CDH18: variants seen among roughly 807,000 people sequenced by gnomAD.
CDH18 encodes the protein cadherin-18.
Under a neutral mutation model 67.9 loss-of-function variants are expected in CDH18, and 31 were observed. The observed-to-expected ratio is 0.46, with a 90% confidence interval of 0.34 to 0.62. The LOEUF is 0.62. Ranked by LOEUF, CDH18 falls within the 20% of genes least tolerant of loss-of-function variation. The pLI is 0.01. For missense variants in CDH18, 890 were observed against 975.5 expected (o/e 0.91, Z 1.17); for synonymous variants, 362 against 347.2 (o/e 1.04, Z -0.48).
chr5:19,501,609 T>A (rs1743262940), intron 11 of CDH18, among the ~76,000 whole-genome samples: 1 of 152,092 alleles, frequency 6.6e-6, no homozygotes, highest in Admixed American at 6.6e-5. Flanking sequence ...TAGGTTAAAC[T>A]GCTTGAATTG....
intron 1 of CDH18, among the ~76,000 whole-genome samples, chr5:20,351,126 T>C (rs1741135270): frequency 6.6e-6 from 1 of 151,558 alleles, no homozygotes. Context: ...CTTTACTTTC[T>C]GACATTTACC....
At chr5:20,389,346 T>A (rs10941715) in intron 1 of CDH18, among the ~76,000 whole-genome samples, 66,364 of 151,564 alleles carry the variant, frequency 0.44, 16,814 homozygotes, top group Middle Eastern at 0.67. Context: ...TGGCTTAAAG[T>A]CTGTTTTTTC....
rs150803344 is a variant in CDH18, at chr5:20,342,693, G to C, written c.-579-87188C>G. Reference sequence around the variant, plus strand: ...AGAGTTGGATCAGACTGCATTTATTGATTTGGGCTCACTGAGTAGGGACTC... The same window carrying C: ...AGAGTTGGATCAGACTGCATTTATTCATTTGGGCTCACTGAGTAGGGACTC... On this transcript the variant is annotated intron_variant, in intron 1 of 14. Transcript: ENST00000507958. Among the ~76,000 whole-genome samples, 162 of 152,296 alleles carry C rather than the reference G, an allele frequency of 1.1e-3. 2 individuals carry two copies. Among genetic ancestry groups the C allele is most frequent in the African/African-American group, 3.7e-3 (152 of 41,578 alleles).
chr5:19,966,043 C>T (rs973389853), intron 2 of CDH18, among the ~76,000 whole-genome samples: 6 of 152,150 alleles, frequency 3.9e-5, no homozygotes, highest in East Asian at 1.9e-4. Context: ...GGAGAGAAAA[C>T]GAATAAATTT....
At chr5:19,663,478 G>A (rs1757471578) in intron 5 of CDH18, among the ~76,000 whole-genome samples, 1 of 151,900 alleles carries the variant, frequency 6.6e-6, no homozygotes, top group Non-Finnish European at 1.5e-5. Context: ...TTTTTAGCTT[G>A]CTAGAGAAGA....
chr5:20,144,572 T>A (rs1427060386), intron 2 of CDH18, among the ~76,000 whole-genome samples: 1 of 152,028 alleles, frequency 6.6e-6, no homozygotes, highest in Non-Finnish European at 1.5e-5. Context: ...TAGATGGGAT[T>A]TTATATTTAG....
At chr5:20,079,639 CTA>C (rs1190226229) in intron 2 of CDH18, among the ~76,000 whole-genome samples, 8 of 152,088 alleles carry the variant, frequency 5.3e-5, no homozygotes, top group Non-Finnish European at 4.4e-5. Flanking sequence ...TCATACGGTA[CTA>C]ATTTACAATA....
chr5:20,199,037 A>T (rs1030695071), intron 2 of CDH18, among the ~76,000 whole-genome samples: 2 of 152,238 alleles, frequency 1.3e-5, no homozygotes, highest in African/African-American at 4.8e-5. Flanking sequence ...GCAGGGGCAG[A>T]GCCCTCATGA....
intron 7 of CDH18, among the ~76,000 whole-genome samples, chr5:19,577,216 T>C (rs1278901971): frequency 6.6e-6 from 1 of 152,174 alleles, no homozygotes; most frequent in Non-Finnish European, 1.5e-5. Flanking sequence ...CATTGTACCA[T>C]TCAAAATATC....
chr5:20,418,819 C>T (rs1042230814), intron 1 of CDH18, among the ~76,000 whole-genome samples: 6 of 152,068 alleles, frequency 3.9e-5, no homozygotes, highest in African/African-American at 1.2e-4. Context: ...GAAATCCTCA[C>T]GTCCTAATGT....
At chr5:19,906,616 T>C (rs1790570938) in intron 2 of CDH18, among the ~76,000 whole-genome samples, 1 of 152,026 alleles carries the variant, frequency 6.6e-6, no homozygotes, top group Non-Finnish European at 1.5e-5. Flanking sequence ...CAGAGTCTTT[T>C]GTACAAGATG....
intron 1 of CDH18, among the ~76,000 whole-genome samples, chr5:20,317,014 GAA>G (rs1419567540): frequency 6.6e-6 from 1 of 151,950 alleles, no homozygotes; most frequent in Admixed American, 6.6e-5. Flanking sequence ...CAGATTTAAT[GAA>G]AAGAGAATAA....
chr5:20,159,014 A>G (rs906424414), intron 2 of CDH18: 3 of 155,674 alleles, frequency 1.9e-5, no homozygotes, highest in Non-Finnish European at 2.9e-5. Context: ...GAAAGGGGCT[A>G]ACTTCTGATG....
At chr5:19,991,279 G>A (rs1261482026), upstream of CDH18, among the ~76,000 whole-genome samples, 4 of 152,088 alleles carry the variant, frequency 2.6e-5, no homozygotes, top group Admixed American at 2.6e-4. Context: ...TTTTAGAGCG[G>A]TCAACTGCAC....
rs1554110582 is a variant in CDH18, at chr5:20,271,926, G to GAGAGAA, written c.-579-16422_-579-16421insTTCTCT. ...ATCTGCCACTTGCTGTAGAGAGGCAGAGAGAGAGAGAGAGAGAGAGAGAGA... is the reference window on the plus strand; with the variant it reads ...ATCTGCCACTTGCTGTAGAGAGGCAGAGAGAAAGAGAGAGAGAGAGAGAGAGAGAGA... On this transcript the variant is annotated intron_variant, in intron 1 of 14. Transcript: ENST00000507958. Among the ~76,000 whole-genome samples, 5 of 143,772 alleles carry GAGAGAA rather than the reference G, an allele frequency of 3.5e-5. No individual in the cohort carries two copies. In the South Asian group the frequency reaches 6.4e-4, roughly 18 times the overall value. The allele number at this position is 143,772 out of a possible 152,430, so 94.3% of individuals were successfully genotyped here.
intron 2 of CDH18, among the ~76,000 whole-genome samples, chr5:20,116,166 G>A (rs1747892477): frequency 6.6e-6 from 1 of 152,106 alleles, no homozygotes; most frequent in Admixed American, 6.6e-5. Context: ...ATCCAGTATT[G>A]TCAACTGGGC....
chr5:19,793,239 T>TA (rs1448583499), intron 3 of CDH18, among the ~76,000 whole-genome samples: 4 of 152,190 alleles, frequency 2.6e-5, no homozygotes, highest in Non-Finnish European at 5.9e-5. Flanking sequence ...ATTTTTTTGG[T>TA]AAAAATATTT....
In CDH18 at chr5:20,399,293, T is replaced by C. The variant is rs554264275; in HGVS notation, c.-579-143788A>G. On this transcript the variant is annotated intron_variant, in intron 1 of 14. Transcript: ENST00000507958. ...TTATTATCAAAAGAGACAATAGTGA[T>C]GATAAAATATGAAATTAATTTATGT... Among the ~76,000 whole-genome samples, 3 of 152,238 alleles carry C rather than the reference T, an allele frequency of 2.0e-5. No individual in the cohort carries two copies. The South Asian group carries it at 6.2e-4, about 32-fold the overall frequency.
At chr5:20,529,782 A>C (rs980903799) in intron 1 of CDH18, among the ~76,000 whole-genome samples, 1 of 152,096 alleles carries the variant, frequency 6.6e-6, no homozygotes, top group African/African-American at 2.4e-5. Flanking sequence ...AGCAAATATC[A>C]TAATGAATGG....
Sources: gnomAD v4.1 joint callset for allele counts (sites outside exome capture counted in the v4.1 genomes callset) on GRCh38, gnomAD v4.1.1 for gene constraint, MANE v1.5 for transcripts, NCBI Gene and HGNC (gene_info 2026-07-23, HGNC 2026-07-21) for gene names.